SEC24D: variants seen among roughly 807,000 people sequenced by gnomAD.
SEC24D encodes SEC24 homolog D, COPII component.
In SEC24D, 69 loss-of-function variants were observed where a neutral mutation model predicts 116.9. The ratio of observed to expected loss-of-function variants is 0.59; its 90% CI spans 0.49 to 0.72. SEC24D has a LOEUF of 0.72. SEC24D is among the 30% of genes least tolerant of loss of function. SEC24D has a pLI of 0.00. For missense variants in SEC24D, 1,131 were observed against 1,264.1 expected (o/e 0.89, Z 1.60); for synonymous variants, 405 against 442.8 (o/e 0.91, Z 1.07).
chr4:118,833,570 A>G lies in SEC24D; in HGVS notation c.118+9T>C. The G allele has an allele frequency of 6.4e-7, 1 of 1,572,564 alleles. No individual in the cohort carries two copies. On this transcript the variant is annotated intron_variant, in intron 2 of 22. Coordinates refer to ENST00000280551, the MANE Select transcript of SEC24D (RefSeq NM_014822.4). The stretch of plus-strand genomic sequence containing the variant: ...ATAATCACATACAAGTCAAAATAAC[A>G]CACTGTACCTGTTGGAGATGCTGTG...
intron 8 of SEC24D, among the ~76,000 whole-genome samples, chr4:118,786,024 C>T (rs893053303): frequency 3.3e-5 from 5 of 152,100 alleles, no homozygotes; most frequent in African/African-American, 7.2e-5. Context: ...TAAACAACTA[C>T]AGGTTAAGGG....
intron 8 of SEC24D, among the ~76,000 whole-genome samples, chr4:118,785,958 T>C (rs981191336): frequency 9.9e-5 from 15 of 152,194 alleles, no homozygotes; most frequent in African/African-American, 3.6e-4. Flanking sequence ...ATGGCAAAAT[T>C]TGATATTGTA....
chr4:118,782,072 A>G (rs1728440557), intron 8 of SEC24D, among the ~76,000 whole-genome samples: 1 of 152,056 alleles, frequency 6.6e-6, no homozygotes, highest in Admixed American at 6.5e-5. Context: ...CTGACCTCCT[A>G]AAGCCTACTT....
rs1730971017 is a variant in SEC24D at position 118,833,649 on chromosome 4, C to T, written c.48G>A (p.Gln16=). ...GAGGTGGAGAAAGGCCTATTCCAGG[C>T]TGAGGCTGAGAATACGGAGGTGTAG... The part of the protein sequence containing the change: ...YVATPPYSQP[Q]PGIGLSPPHY... Residue 16 remains glutamine (Q), a synonymous_variant, in exon 2 of 23, where the codon CAG becomes CAA. Coordinates refer to ENST00000280551, the MANE Select transcript of SEC24D (RefSeq NM_014822.4). 1 of 1,613,968 alleles carries T rather than the reference C, an allele frequency of 6.2e-7. No individual in the cohort carries two copies. The highest frequency in any genetic ancestry group is 1.3e-5 in the African/African-American group (1 of 74,908).
intron 19 of SEC24D, among the ~76,000 whole-genome samples, chr4:118,734,373 C>T (rs1205497328): frequency 1.3e-5 from 2 of 151,710 alleles, no homozygotes; most frequent in Admixed American, 6.6e-5. Flanking sequence ...CCACCACACC[C>T]GGCTAACTTT....
intron 19 of SEC24D, among the ~76,000 whole-genome samples, chr4:118,733,985 A>G (rs1396972733): frequency 6.6e-6 from 1 of 151,872 alleles, no homozygotes; most frequent in Non-Finnish European, 1.5e-5. Context: ...TGATGATTTA[A>G]GAAATTATAG....
rs115430947 is a variant in SEC24D, at chr4:118,815,994, C to A, written c.398-268G>T. Among the ~76,000 whole-genome samples, 6,143 of 151,890 alleles carry A rather than the reference C, an allele frequency of 0.04. 191 individuals are homozygous for A. The highest frequency in any genetic ancestry group is 0.063 in the Non-Finnish European group (4,309 of 67,962). On this transcript the variant is annotated intron_variant, in intron 4 of 22. Coordinates refer to ENST00000280551, the MANE Select transcript of SEC24D (RefSeq NM_014822.4). ...TGCAATACAATGGCAAGATAATGGACCACTGTAGCCTCAACATCCTGGGCT... is the reference window on the plus strand; with the variant it reads ...TGCAATACAATGGCAAGATAATGGAACACTGTAGCCTCAACATCCTGGGCT...
intron 11 of SEC24D, 49 bp from the exon 12 acceptor site, chr4:118,752,937 A>C: frequency 1.5e-6 from 2 of 1,359,788 alleles, no homozygotes; most frequent in Non-Finnish European, 2.0e-6. Context: ...ATTTAGATGA[A>C]AAGGAGGTTT....
At chr4:118,745,502 G>A (rs1312738003) in intron 13 of SEC24D, among the ~76,000 whole-genome samples, 1 of 152,166 alleles carries the variant, frequency 6.6e-6, no homozygotes, top group Non-Finnish European at 1.5e-5. Flanking sequence ...ATGGATTAAA[G>A]CTACAGTGGT....
At chr4:118,738,934 TTAAG>T (rs1726097964) in intron 18 of SEC24D, among the ~76,000 whole-genome samples, 1 of 152,262 alleles carries the variant, frequency 6.6e-6, no homozygotes, top group Admixed American at 6.5e-5. Context: ...GAAGTTAACT[TTAAG>T]TAAGTCTGTA....
Position 118,833,693 on chromosome 4 carries a change from T to C in SEC24D, c.4A>G (p.Ser2Gly). 1 of 1,605,556 alleles carries C rather than the reference T, an allele frequency of 6.2e-7. No individual in the cohort carries two copies. Among genetic ancestry groups the C allele is most frequent in the South Asian group, 1.1e-5 (1 of 90,034 alleles). Reference sequence around the variant, plus strand: ...GGTGTAGCCACGTAACCTTGTTGACTCATTATGAAAATATCATTCCATAGG... The same window carrying C: ...GGTGTAGCCACGTAACCTTGTTGACCCATTATGAAAATATCATTCCATAGG... MSQQGYVATPPY... is the reference protein window; with the variant it reads MGQQGYVATPPY... The change falls in exon 2 of 23, where the codon AGT (serine) becomes GGT (glycine). Residue 2 changes from serine to glycine, a missense_variant. Coordinates refer to ENST00000280551, the MANE Select transcript of SEC24D (RefSeq NM_014822.4).
At chr4:118,780,069 A>AT (rs1356437316) in intron 8 of SEC24D, among the ~76,000 whole-genome samples, 9 of 152,036 alleles carry the variant, frequency 5.9e-5, no homozygotes, top group South Asian at 2.1e-4. Context: ...GGATTCATTG[A>AT]TTTTTTGAAG....
intron 8 of SEC24D, among the ~76,000 whole-genome samples, chr4:118,769,045 A>G (rs1414797560): frequency 1.3e-5 from 2 of 152,208 alleles, no homozygotes; most frequent in African/African-American, 4.8e-5. Flanking sequence ...TAGTTTGCAT[A>G]GCAGTATGCT....
In SEC24D at chr4:118,744,926, CAA is replaced by C. The variant is rs764485166; in HGVS notation, c.1824+16_1824+17del. 2 of 1,357,270 alleles carry C rather than the reference CAA, an allele frequency of 1.5e-6. No homozygotes were observed. The highest frequency in any genetic ancestry group is 1.2e-5 in the South Asian group (1 of 84,158). The allele number at this position is 1,357,270 out of a possible 1,614,324, so 84.1% of individuals were successfully genotyped here. ...TCTTAATAATTGACATATGGATACT[CAA>C]AGAGTTACAAAGTACCTTCTCTTTG... On this transcript the variant is annotated intron_variant, in intron 14 of 22. Coordinates refer to ENST00000280551, the MANE Select transcript of SEC24D (RefSeq NM_014822.4).
chr4:118,825,654 A>G, intron 2 of SEC24D: 1 of 442,164 alleles, frequency 2.3e-6, no homozygotes, highest in South Asian at 1.6e-5. Flanking sequence ...ATTACCTGAG[A>G]CCTCTTCTAG....
At position 118,830,601 on chromosome 4, in the gene SEC24D, C is replaced by T. The variant is rs545227681; in HGVS notation, c.118+2978G>A. Among the ~76,000 whole-genome samples the T allele has an allele frequency of 4.6e-5, 7 of 150,886 alleles. No individual in the cohort carries two copies. In the South Asian group the frequency reaches 1.5e-3, roughly 31 times the overall value. On this transcript the variant is annotated intron_variant, in intron 2 of 22. Transcript: ENST00000280551. ...ACATATTTCAAAACAATATGTTGTA[C>T]ATTATATATATATGTATATATAATT...
intron 6 of SEC24D, among the ~76,000 whole-genome samples, chr4:118,809,219 G>A (rs1422939962): frequency 6.6e-6 from 1 of 151,878 alleles, no homozygotes; most frequent in Non-Finnish European, 1.5e-5. Flanking sequence ...TGATCCGCCC[G>A]CCTCAGCCTC....
At chr4:118,812,693 C>T (rs1360040941) in intron 6 of SEC24D, among the ~76,000 whole-genome samples, 1 of 152,164 alleles carries the variant, frequency 6.6e-6, no homozygotes, top group African/African-American at 2.4e-5. Context: ...GCTACTTCTA[C>T]TCAATAAAAC....
intron 8 of SEC24D, among the ~76,000 whole-genome samples, chr4:118,792,485 A>C (rs1408081290): frequency 6.6e-6 from 1 of 152,248 alleles, no homozygotes; most frequent in African/African-American, 2.4e-5. Flanking sequence ...GAGAGATCAG[A>C]TTGTTACTGT....
Sources: allele counts gnomAD v4.1 joint callset (sites outside exome capture counted in the v4.1 genomes callset), GRCh38; gene constraint gnomAD v4.1.1; transcripts MANE v1.5; gene names NCBI Gene and HGNC (gene_info 2026-07-23, HGNC 2026-07-21).